The following CIAPIN1 variants were observed in gnomAD, a reference collection of about 807,000 sequenced individuals.
CIAPIN1 encodes anamorsin.
In CIAPIN1, 18 loss-of-function variants were observed where a neutral mutation model predicts 34.3. The ratio of observed to expected loss-of-function variants is 0.52; its 90% CI spans 0.36 to 0.78. The LOEUF is 0.78. CIAPIN1 is among the 30% of genes least tolerant of loss of function. The pLI, the probability that CIAPIN1 is intolerant of heterozygous loss-of-function variation, is 0.00. For synonymous variants in CIAPIN1, 131 were observed against 140.4 expected, an observed-to-expected ratio of 0.93 and a Z score of 0.47; for missense variants, 310 against 372.5, an observed-to-expected ratio of 0.83 and a Z score of 1.38.
At chr16:57,437,489 T>A (rs1903230020) in intron 3 of CIAPIN1, among the ~76,000 whole-genome samples, 1 of 151,492 alleles carries the variant, frequency 6.6e-6, no homozygotes, top group Non-Finnish European at 1.5e-5. Context: ...AGGACAATTG[T>A]ATATATATTT....
chr16:57,431,592 C>A, intron 6 of CIAPIN1: 1 of 184,214 alleles, frequency 5.4e-6, no homozygotes, highest in Middle Eastern at 2.1e-3. Flanking sequence ...AGGGAGGGAA[C>A]AGGCAGAACA....
chr16:57,442,522 G>A (rs223850), intron 1 of CIAPIN1, among the ~76,000 whole-genome samples: 7,584 of 152,102 alleles, frequency 0.05, 285 homozygotes, highest in African/African-American at 0.1. Context: ...TTAGCTGGGC[G>A]TGGTGACAGA....
chr16:57,429,229 G>T lies in CIAPIN1; in HGVS notation c.880C>A (p.Pro294Thr). 6.2e-7 allele frequency: 1 copy of T among 1,613,886 alleles called. No homozygotes were observed. Among genetic ancestry groups the T allele is most frequent in the Non-Finnish European group, 8.5e-7 (1 of 1,180,000 alleles). ...RCASCPYLGM[P>T]AFKPGEKVLL... ...ACCTTTTCCCCAGGTTTGAAGGCTG[G>T]CATCCCAAGGTAGGGGCAGCTGGCA... The change falls in exon 9 of 9, where the codon CCA becomes ACA. Residue 294 changes from proline to threonine, a missense_variant. Pro to Thr is a conservative substitution (Grantham distance 38). Coordinates refer to ENST00000394391, the MANE Select transcript of CIAPIN1 (RefSeq NM_020313.4).
intron 5 of CIAPIN1, chr16:57,433,606 A>G (rs1322436509): frequency 9.6e-6 from 2 of 209,076 alleles, no homozygotes; most frequent in Non-Finnish European, 1.9e-5. Flanking sequence ...ATATAGTTTT[A>G]TAAGTGTCTT....
chr16:57,431,187 C>T lies in CIAPIN1; in HGVS notation c.710G>A (p.Cys237Tyr). Residue 237 changes from cysteine (C) to tyrosine (Y), a missense_variant, in exon 7 of 9, where the codon TGT (cysteine) becomes TAT (tyrosine). Coordinates refer to ENST00000394391, the MANE Select transcript of CIAPIN1 (RefSeq NM_020313.4). ...GGCCTTCCTCTTTTTCCCTTCCCCA[C>T]AAGAAGCAGCCCGCAGGGAAGCTGG... ...PDPASLRAAS[C>Y]GEGKKRKACK... is the part of the protein sequence containing the mutation. The T allele has an allele frequency of 6.2e-7, 1 of 1,613,822 alleles. No homozygotes were observed.
chr16:57,432,723 T>G (rs1271141691), intron 5 of CIAPIN1, among the ~76,000 whole-genome samples, 163 bp from the exon 6 acceptor site: 2 of 152,272 alleles, frequency 1.3e-5, no homozygotes, highest in African/African-American at 4.8e-5. Flanking sequence ...AGGTCTGACC[T>G]TGGGCCAACC....
In CIAPIN1 at chr16:57,428,978, T is replaced by G; in HGVS notation, c.*192A>C. 1.9e-6 allele frequency: 1 copy of G among 539,436 alleles called. No homozygotes were observed. The highest frequency in any genetic ancestry group is 3.1e-5 in the East Asian group (1 of 32,194). 33.4% of individuals were successfully genotyped at this position (539,436 alleles called of 1,614,324 possible). ...TCTGAAACCAGGTCCCATAATACCT[T>G]GGTCTTTTGATACACAGCAGCACTA... is the stretch of plus-strand genomic sequence containing the variant. On this transcript the variant is annotated 3_prime_UTR_variant, in exon 9 of 9. Transcript: ENST00000394391.
chr16:57,437,231 T>C (rs565553137), intron 3 of CIAPIN1, among the ~76,000 whole-genome samples: 1 of 152,290 alleles, frequency 6.6e-6, no homozygotes, highest in Non-Finnish European at 1.5e-5. Flanking sequence ...TATGATAGTA[T>C]GAAAGTAATA....
intron 1 of CIAPIN1, among the ~76,000 whole-genome samples, chr16:57,443,102 A>T (rs375970631): frequency 2.6e-5 from 4 of 151,496 alleles, no homozygotes; most frequent in East Asian, 1.9e-4. Flanking sequence ...AAAGAAAAAA[A>T]AATAATTAAA....
In CIAPIN1 at chr16:57,428,853, T is replaced by C. The variant is rs867098526; in HGVS notation, c.*317A>G. ...CAGAGTGTTAATGCTCAACGATGCC[T>C]GGGCTCAAGAGCGTTCTGGTCAGCA... On this transcript the variant is annotated 3_prime_UTR_variant, in exon 9 of 9. Coordinates refer to ENST00000394391, the MANE Select transcript of CIAPIN1 (RefSeq NM_020313.4). The C allele has an allele frequency of 2.1e-5, 5 of 240,808 alleles. No homozygotes were observed. Among genetic ancestry groups the C allele is most frequent in the Non-Finnish European group, 4.0e-5 (5 of 123,602 alleles). 14.9% of individuals were successfully genotyped at this position (240,808 alleles called of 1,614,324 possible).
Position 57,433,866 on chromosome 16 carries a change from GT to G in CIAPIN1, c.556+177del, listed in dbSNP as rs1193097644. On this transcript the variant is annotated intron_variant, in intron 5 of 8. Coordinates refer to ENST00000394391, the MANE Select transcript of CIAPIN1 (RefSeq NM_020313.4). ...TAGATAATACCTATGTATTATTTCA[GT>G]TTTGGATCCTAATATGCCCATGATA... The G allele has an allele frequency of 6.8e-6, 4 of 584,226 alleles. No individual in the cohort carries two copies. In the African/African-American group the frequency reaches 7.5e-5, roughly 11 times the overall value. The allele number at this position is 584,226 out of a possible 1,614,324, so 36.2% of individuals were successfully genotyped here. A position where few individuals can be genotyped will look rare whatever the true frequency, so the allele number is the denominator to read the frequency against.
chr16:57,430,727 C>T (rs773381852), intron 7 of CIAPIN1: 16 of 253,402 alleles, frequency 6.3e-5, no homozygotes, highest in Non-Finnish European at 1.1e-4. Context: ...TGATGATTAA[C>T]GCTGATGATG....
intron 1 of CIAPIN1, among the ~76,000 whole-genome samples, chr16:57,446,363 G>C (rs1229862927): frequency 6.6e-6 from 1 of 152,178 alleles, no homozygotes; most frequent in African/African-American, 2.4e-5. Context: ...TTTGGGGTAA[G>C]TTTTGGCTTA....
At chr16:57,444,297 T>C (rs1232452713) in intron 1 of CIAPIN1, among the ~76,000 whole-genome samples, 1 of 152,212 alleles carries the variant, frequency 6.6e-6, no homozygotes, top group Non-Finnish European at 1.5e-5. Flanking sequence ...GCGAGGCTGC[T>C]GTAAGAAGCA....
intron 3 of CIAPIN1, among the ~76,000 whole-genome samples, chr16:57,437,822 G>A (rs1035479220): frequency 5.3e-5 from 8 of 152,086 alleles, no homozygotes; most frequent in Admixed American, 3.3e-4. Flanking sequence ...CACTGTGCCT[G>A]GCCATAGCGA....
Position 57,429,296 on chromosome 16 carries a change from G to A in CIAPIN1, c.829-16C>T, listed in dbSNP as rs764016754. ...CCAGGTAGCACTGGAGAGAGAGAATGGGGAAGCCAAGGGTCAGCTTATCCC... is the reference window on the plus strand; with the variant it reads ...CCAGGTAGCACTGGAGAGAGAGAATAGGGAAGCCAAGGGTCAGCTTATCCC... On this transcript the variant is annotated splice_polypyrimidine_tract_variant and intron_variant, in intron 8 of 8. Coordinates refer to ENST00000394391, the MANE Select transcript of CIAPIN1 (RefSeq NM_020313.4). 5 of 1,575,384 alleles carry A rather than the reference G, an allele frequency of 3.2e-6. No homozygotes were observed. The African/African-American group carries it at 6.7e-5, about 21-fold the overall frequency.
intron 4 of CIAPIN1, 54 bp downstream of exon 4, chr16:57,436,602 C>A: frequency 1.5e-6 from 2 of 1,316,130 alleles, no homozygotes; most frequent in Admixed American, 1.7e-5. Context: ...TAGTTCTAAG[C>A]AATACTGATT....
intron 1 of CIAPIN1, chr16:57,441,201 T>C (rs1903323978): frequency 3.9e-6 from 1 of 259,146 alleles, no homozygotes; most frequent in South Asian, 8.3e-5. Flanking sequence ...GAATCCTGAC[T>C]TGGAAGAGTC....
Position 57,432,491 on chromosome 16 carries a change from CT to C in CIAPIN1, c.625del (p.Ser209AlafsTer16), listed in dbSNP as rs773552369. On this transcript the variant is annotated frameshift_variant, in exon 6 of 9. Coordinates refer to ENST00000394391, the MANE Select transcript of CIAPIN1 (RefSeq NM_020313.4). LOFTEE classifies it high-confidence loss of function. ...GTGACAATGCTGCCAGCTCACCATG[CT>C]GTCGTCCTCCATATCGTTGGCTGAG... ...TLSANDMEDD[S>X]MDLIDSDELL... 5.0e-6 allele frequency: 8 copies of C among 1,613,690 alleles called. No homozygotes were observed. In the East Asian group the frequency reaches 1.8e-4, roughly 36 times the overall value.
Sources: allele counts gnomAD v4.1 joint callset (sites outside exome capture counted in the v4.1 genomes callset), GRCh38; gene constraint gnomAD v4.1.1; transcripts MANE v1.5; gene names NCBI Gene and HGNC (gene_info 2026-07-23, HGNC 2026-07-21).